Variants in VEGFC observed in about 807,000 individuals in gnomAD.
VEGFC encodes the protein FLT4 ligand DHM.
Under a neutral mutation model 46.1 loss-of-function variants are expected in VEGFC, and 12 were observed. The ratio of observed to expected loss-of-function variants is 0.26; its 90% CI spans 0.17 to 0.42. VEGFC has a LOEUF of 0.42. VEGFC is among the 10% of genes least tolerant of loss of function. The pLI, the probability that VEGFC is intolerant of heterozygous loss-of-function variation, is 1.00. For missense variants in VEGFC, 488 were observed against 529.4 expected, an observed-to-expected ratio of 0.92 and a Z score of 0.77; for synonymous variants, 232 against 195.5, an observed-to-expected ratio of 1.19 and a Z score of -1.56.
At chr4:176,774,522 T>A (rs2110932858) in intron 1 of VEGFC, among the ~76,000 whole-genome samples, 1 of 152,262 alleles carries the variant, frequency 6.6e-6, no homozygotes, top group East Asian at 1.9e-4. Context: ...CAAACAACTA[T>A]CTTTGCATAT....
chr4:176,769,504 A>G (rs1735687993), intron 1 of VEGFC, among the ~76,000 whole-genome samples: 1 of 152,132 alleles, frequency 6.6e-6, no homozygotes, highest in African/African-American at 2.4e-5. Flanking sequence ...ATTTATATTT[A>G]ATAAATATGT....
chr4:176,763,679 TA>T (rs1470608415), intron 1 of VEGFC, among the ~76,000 whole-genome samples: 4 of 152,196 alleles, frequency 2.6e-5, no homozygotes, highest in African/African-American at 9.6e-5. Context: ...CCACTGGAAG[TA>T]AAGTAAATAT....
At chr4:176,708,988 T>A (rs1404562680) in intron 4 of VEGFC, among the ~76,000 whole-genome samples, 3 of 152,122 alleles carry the variant, frequency 2.0e-5, no homozygotes, top group Non-Finnish European at 2.9e-5. Context: ...GAGAATGAAT[T>A]AGTGGCAAAT....
At chr4:176,714,033 T>C (rs957163842) in intron 3 of VEGFC, among the ~76,000 whole-genome samples, 3 of 152,072 alleles carry the variant, frequency 2.0e-5, no homozygotes, top group African/African-American at 7.2e-5. Flanking sequence ...ATGTGACTAG[T>C]GGGAAAGGGC....
intron 3 of VEGFC, among the ~76,000 whole-genome samples, chr4:176,727,496 T>C (rs1283526181): frequency 6.6e-6 from 1 of 152,170 alleles, no homozygotes; most frequent in African/African-American, 2.4e-5. Flanking sequence ...CACGTACATG[T>C]ACACACATAC....
chr4:176,742,963 A>G (rs966730294), intron 1 of VEGFC, among the ~76,000 whole-genome samples: 1 of 152,078 alleles, frequency 6.6e-6, no homozygotes, highest in African/African-American at 2.4e-5. Flanking sequence ...CGGAAATATT[A>G]CAATGATAAG....
chr4:176,692,174 C>T (rs1271928956), intron 4 of VEGFC, among the ~76,000 whole-genome samples: 12 of 151,530 alleles, frequency 7.9e-5, no homozygotes, highest in Admixed American at 7.9e-4. Flanking sequence ...GCGGGCGGAT[C>T]ACGAGGTCAG....
chr4:176,785,833 T>TG (rs1225997362), intron 1 of VEGFC, among the ~76,000 whole-genome samples: 7 of 152,252 alleles, frequency 4.6e-5, no homozygotes, highest in East Asian at 3.9e-4. Flanking sequence ...AATATGTGTG[T>TG]GGGGGGTTCT....
At chr4:176,767,278 G>A (rs1420329331) in intron 1 of VEGFC, among the ~76,000 whole-genome samples, 1 of 152,000 alleles carries the variant, frequency 6.6e-6, no homozygotes, top group Admixed American at 6.6e-5. Context: ...AACCACAATG[G>A]GATGCTATTA....
chr4:176,689,628 T>G (rs972567531), intron 4 of VEGFC: 3 of 152,184 alleles, frequency 2.0e-5, no homozygotes, highest in Non-Finnish European at 2.9e-5. Flanking sequence ...CTTTGTCCCT[T>G]CTTGAGTTTC....
At chr4:176,785,198 G>T (rs1484552935) in intron 1 of VEGFC, among the ~76,000 whole-genome samples, 1 of 152,164 alleles carries the variant, frequency 6.6e-6, no homozygotes, top group Non-Finnish European at 1.5e-5. Flanking sequence ...TGGTAATTTA[G>T]GGATGAAGTT....
intron 1 of VEGFC, among the ~76,000 whole-genome samples, chr4:176,780,392 A>AAAAAAAAAACAAAAC (rs1553997831): frequency 6.8e-6 from 1 of 146,484 alleles, no homozygotes; most frequent in East Asian, 2.0e-4. Context: ...AAAAAAAAAA[A>AAAAAAAAAACAAAAC]AAAAAAACTC....
intron 1 of VEGFC, among the ~76,000 whole-genome samples, chr4:176,780,343 C>G (rs1370899787): frequency 7.7e-6 from 1 of 129,502 alleles, no homozygotes; most frequent in Non-Finnish European, 1.6e-5. Flanking sequence ...GATTACCCCA[C>G]TGCACTCCAG....
At chr4:176,771,396 G>C (rs1357896759) in intron 1 of VEGFC, among the ~76,000 whole-genome samples, 2 of 152,022 alleles carry the variant, frequency 1.3e-5, no homozygotes, top group African/African-American at 2.4e-5. Flanking sequence ...TCTTAAGTTT[G>C]ATACACAGTC....
chr4:176,698,883 G>C (rs1229765822), intron 4 of VEGFC, among the ~76,000 whole-genome samples: 1 of 152,106 alleles, frequency 6.6e-6, no homozygotes, highest in Middle Eastern at 3.2e-3. Flanking sequence ...GGAAATGACA[G>C]AATCTTTGTA....
intron 4 of VEGFC, among the ~76,000 whole-genome samples, chr4:176,704,519 C>A (rs1227569759): frequency 6.6e-6 from 1 of 152,176 alleles, no homozygotes; most frequent in Non-Finnish European, 1.5e-5. Flanking sequence ...GTTCCCAAGT[C>A]ATATGCTTTC....
intron 4 of VEGFC, among the ~76,000 whole-genome samples, chr4:176,710,498 C>G (rs543424500): frequency 6.6e-6 from 1 of 152,270 alleles, no homozygotes; most frequent in East Asian, 1.9e-4. Flanking sequence ...AACAAGGGGT[C>G]CCCCTATCTG....
intron 4 of VEGFC, among the ~76,000 whole-genome samples, chr4:176,692,968 C>A (rs1016940861): frequency 6.7e-6 from 1 of 150,020 alleles, no homozygotes; most frequent in Non-Finnish European, 1.5e-5. Flanking sequence ...ACACCGAAAA[C>A]CCATCTGTAC....
At position 176,687,259 on chromosome 4, in the gene VEGFC, C is replaced by T; in HGVS notation, c.1073G>A (p.Cys358Tyr). 6.2e-7 allele frequency: 1 copy of T among 1,614,138 alleles called. No individual in the cohort carries two copies. The highest frequency in any genetic ancestry group is 8.5e-7 in the Non-Finnish European group (1 of 1,180,042). Reference sequence around the variant, plus strand: ...TGGACTTTCTGTACATTCACAGGCACATTTTCCAGGATTTAGGGGTTGATT... The same window carrying T: ...TGGACTTTCTGTACATTCACAGGCATATTTTCCAGGATTTAGGGGTTGATT... ...PRNQPLNPGK[C>Y]ACECTESPQK... The change falls in exon 6 of 7, where the codon TGT (cysteine) becomes TAT (tyrosine). Residue 358 changes from cysteine (C) to tyrosine (Y), a missense_variant. Transcript: ENST00000618562.
Sources: allele counts gnomAD v4.1 joint callset (sites outside exome capture counted in the v4.1 genomes callset), GRCh38; gene constraint gnomAD v4.1.1; transcripts MANE v1.5; gene names NCBI Gene and HGNC (gene_info 2026-07-23, HGNC 2026-07-21).